The following ADCY9 variants were observed in gnomAD, a reference collection of about 807,000 sequenced individuals.
ADCY9 encodes the protein adenylate cyclase 9, also known as adenylate cyclase type 9.
ADCY9 carries 50 observed loss-of-function variants against 101.5 expected under a neutral mutation model. The observed-to-expected ratio is 0.49, with a 90% confidence interval of 0.39 to 0.62. The LOEUF (loss-of-function observed/expected upper bound fraction) is 0.62. ADCY9 is among the 20% of genes least tolerant of loss of function. ADCY9 has a pLI of 0.00. For missense variants in ADCY9, 1,662 were observed against 1,800.4 expected, an observed-to-expected ratio of 0.92 and a Z score of 1.39; for synonymous variants, 905 against 769.3, an observed-to-expected ratio of 1.18 and a Z score of -2.92.
chr16:4,085,763 C>T (rs901805562), intron 2 of ADCY9, among the ~76,000 whole-genome samples: 12 of 151,992 alleles, frequency 7.9e-5, no homozygotes, highest in African/African-American at 2.4e-4. Context: ...ACCCTGGACC[C>T]GCTGAGCCAG....
chr16:4,107,837 T>C (rs1421092226), intron 2 of ADCY9, among the ~76,000 whole-genome samples: 2 of 152,072 alleles, frequency 1.3e-5, no homozygotes, highest in African/African-American at 4.8e-5. Context: ...GGCTAACGCA[T>C]ACAGAATGCC....
At chr16:4,037,403 T>A (rs906738751) in intron 2 of ADCY9, among the ~76,000 whole-genome samples, 2 of 152,230 alleles carry the variant, frequency 1.3e-5, no homozygotes, top group African/African-American at 2.4e-5. Context: ...TTGTTCCCCT[T>A]GATGGCTGGA....
downstream of ADCY9, among the ~76,000 whole-genome samples, chr16:3,962,461 C>T (rs981950588): frequency 1.3e-5 from 2 of 151,914 alleles, no homozygotes; most frequent in South Asian, 2.1e-4. Flanking sequence ...GCAAATAGAT[C>T]CAATTAAAAA....
At position 3,967,269 on chromosome 16, in the gene ADCY9, C is replaced by A. The variant is rs59956200; in HGVS notation, c.2871-303G>T. On this transcript the variant is annotated intron_variant, in intron 10 of 10. Coordinates refer to ENST00000294016, the MANE Select transcript of ADCY9 (RefSeq NM_001116.4). ...CCTCCCAAAGTGCTGGAATTACAGG[C>A]GTGAGCTGCTGTGCCCAGCCCTGTA... Among the ~76,000 whole-genome samples, 13,609 of 152,202 alleles carry A rather than the reference C, an allele frequency of 0.089. 1,162 individuals are homozygous for A. Among genetic ancestry groups the A allele is most frequent in the East Asian group, 0.22 (1,132 of 5,174 alleles).
At chr16:4,023,613 A>G (rs2056493373) in intron 2 of ADCY9, among the ~76,000 whole-genome samples, 1 of 152,192 alleles carries the variant, frequency 6.6e-6, no homozygotes, top group Non-Finnish European at 1.5e-5. Flanking sequence ...CCTGGGAGCC[A>G]TTAAGAGGTT....
At position 3,980,554 on chromosome 16, in the gene ADCY9, C is replaced by T. The variant is rs867022857; in HGVS notation, c.2520-1279G>A. ...CAGCAAAAAAGCCTCTGGCACAGAGCCCCCCGCCCCCAGCCTTCGGGCCTG... is the reference window on the plus strand; with the variant it reads ...CAGCAAAAAAGCCTCTGGCACAGAGTCCCCCGCCCCCAGCCTTCGGGCCTG... On this transcript the variant is annotated intron_variant, in intron 7 of 10. Transcript: ENST00000294016. Among the ~76,000 whole-genome samples the T allele has an allele frequency of 3.2e-4, 48 of 152,272 alleles. 1 individual carries two copies. Among genetic ancestry groups the T allele is most frequent in the African/African-American group, 1.7e-4 (7 of 41,570 alleles).
At chr16:4,009,016 G>A (rs542829134) in intron 2 of ADCY9, among the ~76,000 whole-genome samples, 59 of 152,016 alleles carry the variant, frequency 3.9e-4, no homozygotes, top group African/African-American at 1.4e-3. Flanking sequence ...AGAAACCTAG[G>A]GACTACTTCA....
At chr16:4,009,627 T>A (rs1458197258) in intron 2 of ADCY9, among the ~76,000 whole-genome samples, 2 of 152,310 alleles carry the variant, frequency 1.3e-5, no homozygotes, top group East Asian at 3.9e-4. Context: ...AAAACCCACA[T>A]CCCAATTTAT....
At chr16:4,064,902 C>T (rs1343543201) in intron 2 of ADCY9, among the ~76,000 whole-genome samples, 4 of 152,200 alleles carry the variant, frequency 2.6e-5, no homozygotes, top group Non-Finnish European at 5.9e-5. Flanking sequence ...ACATCATTTC[C>T]CTACAGGCTG....
chr16:4,005,326 A>G (rs2056360129), intron 3 of ADCY9, among the ~76,000 whole-genome samples: 1 of 152,222 alleles, frequency 6.6e-6, no homozygotes, highest in Non-Finnish European at 1.5e-5. Flanking sequence ...TCCTGGGCTC[A>G]AGTGATCCTC....
rs1284821736 is a variant in ADCY9 at position 3,964,919 on chromosome 16, T to C, written c.*856A>G. On this transcript the variant is annotated 3_prime_UTR_variant, in exon 11 of 11. Transcript: ENST00000294016. ...ATAAATAAATGCAACCTCGGATGTT[T>C]ATTTGGTATTTCCCTCTCCGATGAG... 3 of 152,204 alleles carry C rather than the reference T, an allele frequency of 2.0e-5. No homozygotes were observed. Among genetic ancestry groups the C allele is most frequent in the African/African-American group, 7.2e-5 (3 of 41,440 alleles). 9.4% of individuals were successfully genotyped at this position (152,204 alleles called of 1,614,324 possible).
Position 4,115,639 on chromosome 16 carries a change from C to G in ADCY9, c.-44+51G>C. On this transcript the variant is annotated intron_variant, in intron 1 of 10. Coordinates refer to ENST00000294016, the MANE Select transcript of ADCY9 (RefSeq NM_001116.4). This position sits in a 1 kb window ranked among gnomAD's most constrained non-coding sequence, Gnocchi z 6.2. Reference sequence around the variant, plus strand: ...GTTCCCGGCTCAGCGGTGCTCCCACCGCCCCCACCGCCCCCACCTTCGAGG... The same window carrying G: ...GTTCCCGGCTCAGCGGTGCTCCCACGGCCCCCACCGCCCCCACCTTCGAGG... 1.6e-6 allele frequency: 1 copy of G among 616,464 alleles called. No individual in the cohort carries two copies. The highest frequency in any genetic ancestry group is 2.8e-5 in the East Asian group (1 of 35,136). 38.2% of individuals were successfully genotyped at this position (616,464 alleles called of 1,614,324 possible).
chr16:4,011,273 A>G (rs963324411), intron 2 of ADCY9, among the ~76,000 whole-genome samples: 29 of 152,128 alleles, frequency 1.9e-4, no homozygotes, highest in African/African-American at 6.5e-4. Context: ...GTGTGGCTGG[A>G]GCAGAGAACG....
At position 3,955,100 on chromosome 16, in the gene ADCY9, A is replaced by C. The variant is rs536601370; in HGVS notation, c.568-1584T>G. ...GTGTAAGAAAAGTAAATAGTGACCC[A>C]GAAGAATTTGGGTCACGGTCTGATT... On this transcript the variant is annotated intron_variant, in intron 5 of 5. Coordinates refer to the ADCY9 transcript ENST00000576936. Among the ~76,000 whole-genome samples the C allele has an allele frequency of 1.1e-4, 17 of 152,312 alleles. 1 individual carries two copies. The East Asian group carries it at 3.3e-3, about 29-fold the overall frequency.
At chr16:4,027,706 A>G (rs1322277615) in intron 2 of ADCY9, among the ~76,000 whole-genome samples, 1 of 152,052 alleles carries the variant, frequency 6.6e-6, no homozygotes. Flanking sequence ...GTGAAACCCC[A>G]TCTCTACTAG....
chr16:3,977,109 C>G (rs1218549612), intron 9 of ADCY9, among the ~76,000 whole-genome samples: 3 of 152,242 alleles, frequency 2.0e-5, no homozygotes, highest in African/African-American at 7.2e-5. Flanking sequence ...TCACATCCAT[C>G]TGCAGCTCCG....
intron 2 of ADCY9, among the ~76,000 whole-genome samples, chr16:4,016,317 T>C (rs1379314212): frequency 5.3e-5 from 8 of 152,206 alleles, no homozygotes; most frequent in African/African-American, 1.9e-4. Flanking sequence ...GGGAAGAGGC[T>C]ATGAAACAAG....
At chr16:3,987,378 G>A (rs34517526) in intron 6 of ADCY9, among the ~76,000 whole-genome samples, 3 of 152,268 alleles carry the variant, frequency 2.0e-5, no homozygotes, top group African/African-American at 7.2e-5. Flanking sequence ...GGGAGGCTCA[G>A]CAGTGCAGGG....
At chr16:4,095,480 C>T (rs2056997936) in intron 2 of ADCY9, among the ~76,000 whole-genome samples, 1 of 152,138 alleles carries the variant, frequency 6.6e-6, no homozygotes, top group Non-Finnish European at 1.5e-5. Context: ...TCGGTAAGAA[C>T]ACTGTCAGTC....
Sources: gnomAD v4.1 joint callset for allele counts (sites outside exome capture counted in the v4.1 genomes callset) on GRCh38, gnomAD v4.1.1 for gene constraint, Gnocchi (gnomAD v3.1) non-coding constraint, MANE v1.5 for transcripts, NCBI Gene and HGNC (gene_info 2026-07-23, HGNC 2026-07-21) for gene names.